The following LRRD1 variants were observed in gnomAD, a reference collection of about 807,000 sequenced individuals.
LRRD1 encodes the protein leucine rich repeats and death domain containing 1, also known as leucine-rich repeat and death domain-containing protein 1.
LRRD1 carries 49 observed loss-of-function variants against 69.5 expected under a neutral mutation model. The observed-to-expected ratio is 0.70, with a 90% CI of 0.56 to 0.89. LRRD1 has a LOEUF of 0.89. LRRD1 is among the 40% of genes least tolerant of loss of function. The pLI is 0.00. For missense variants in LRRD1, 853 were observed against 956.0 expected (o/e 0.89, Z 1.42); for synonymous variants, 303 against 338.9 (o/e 0.89, Z 1.16).
intron 3 of LRRD1, among the ~76,000 whole-genome samples, chr7:92,153,358 C>T (rs1788567811): frequency 6.6e-6 from 1 of 152,164 alleles, no homozygotes. Context: ...AGCCACCACG[C>T]CCGGCCTCTT....
downstream of LRRD1, among the ~76,000 whole-genome samples, chr7:92,143,290 C>A (rs896453242): frequency 2.0e-5 from 3 of 152,212 alleles, no homozygotes; most frequent in Admixed American, 6.5e-5. Context: ...ACTCAGGAGC[C>A]CAGCTGACTT....
downstream of LRRD1, chr7:92,142,118 A>T: frequency 5.7e-6 from 1 of 176,580 alleles, no homozygotes; most frequent in African/African-American, 2.4e-5. Flanking sequence ...ATTTTTTTGT[A>T]TTTTTAGTAG....
At chr7:92,167,055 A>G (rs758600190) in intron 1 of LRRD1, among the ~76,000 whole-genome samples, 12 of 152,088 alleles carry the variant, frequency 7.9e-5, no homozygotes, top group Non-Finnish European at 1.8e-4. Flanking sequence ...ACATTGAGTA[A>G]TATTGCTAAA....
intron 2 of LRRD1, among the ~76,000 whole-genome samples, chr7:92,160,496 A>G (rs1248343436): frequency 6.6e-6 from 1 of 152,230 alleles, no homozygotes; most frequent in Non-Finnish European, 1.5e-5. Context: ...GTAAAGCTTC[A>G]TGTAAAAAGT....
chr7:92,163,364 T>C lies in LRRD1; in HGVS notation c.1839A>G (p.Gln613=), dbSNP rs1471867734. Residue 613 remains glutamine (Q), a synonymous_variant, in exon 2 of 6, where the codon CAA becomes CAG. Coordinates refer to ENST00000458448, the MANE Select transcript of LRRD1 (RefSeq NM_001161528.2). The part of the protein sequence containing the change: ...GIQKLNFSSN[Q]FIHFPIELCQ... ...ACAGTTCAATAGGAAAATGTATAAA[T>C]TGATTGCTTGAGAAGTTTAATTTCT... 5 of 1,544,308 alleles carry C rather than the reference T, an allele frequency of 3.2e-6. No individual in the cohort carries two copies. The highest frequency in any genetic ancestry group is 1.4e-5 in the African/African-American group (1 of 72,392).
rs7780407 is a variant in LRRD1 at position 92,151,084 on chromosome 7, A to G, written c.2117-389T>C. Among the ~76,000 whole-genome samples, 423 of 152,336 alleles carry G rather than the reference A, an allele frequency of 2.8e-3. 1 individual carries two copies. Among genetic ancestry groups the G allele is most frequent in the African/African-American group, 9.8e-3 (407 of 41,578 alleles). On this transcript the variant is annotated intron_variant, in intron 3 of 5. Coordinates refer to ENST00000458448, the MANE Select transcript of LRRD1 (RefSeq NM_001161528.2). ...CTTTAGTTTCTCCTAATGTTATCAC[A>G]TTATCATATTACATTTGTTTAATCT... is the stretch of plus-strand genomic sequence containing the variant.
chr7:92,174,178 G>A (rs1789114783), intron 1 of LRRD1, among the ~76,000 whole-genome samples: 1 of 151,908 alleles, frequency 6.6e-6, no homozygotes, highest in Non-Finnish European at 1.5e-5. Flanking sequence ...AAGGGTAGGG[G>A]TAAAGGGATC....
At chr7:92,141,994 G>T, downstream of LRRD1, 1 of 154,180 alleles carries the variant, frequency 6.5e-6, no homozygotes, top group Admixed American at 6.3e-5. Flanking sequence ...CCAGGATGGA[G>T]TGCAGTGGTG....
At position 92,163,845 on chromosome 7, in the gene LRRD1, A is replaced by T; in HGVS notation, c.1358T>A (p.Ile453Asn). The T allele has an allele frequency of 6.7e-7, 1 of 1,503,554 alleles. No individual in the cohort carries two copies. The highest frequency in any genetic ancestry group is 8.8e-7 in the Non-Finnish European group (1 of 1,130,592). 93.1% of individuals were successfully genotyped at this position (1,503,554 alleles called of 1,614,324 possible). A position where few individuals can be genotyped will look rare whatever the true frequency, so the allele number is the denominator to read the frequency against. Residue 453 changes from isoleucine to asparagine, a missense_variant, in exon 2 of 6, where the codon ATC (isoleucine) becomes AAC (asparagine). Physicochemically the swap from Ile to Asn is moderately radical, Grantham distance 149 (BLOSUM62 -3). Around this residue, in one of 3 missense-constraint regions of LRRD1, gnomAD observed 739 missense variants for 808.0 expected, o/e 0.91. Coordinates refer to ENST00000458448, the MANE Select transcript of LRRD1 (RefSeq NM_001161528.2). ...TTTTATTTCAATGGGAACATCTGTGATTATGTTTCCTGAAAATTCTAGACT... is the reference window on the plus strand; with the variant it reads ...TTTTATTTCAATGGGAACATCTGTGTTTATGTTTCCTGAAAATTCTAGACT... Reference protein sequence around the residue: ...ICSLEFSGNIITDVPIEIKNC... With the variant: ...ICSLEFSGNINTDVPIEIKNC...
chr7:92,159,285 AG>A, intron 2 of LRRD1, 82 bp from the exon 3 acceptor site: 1 of 985,100 alleles, frequency 1.0e-6, no homozygotes, highest in South Asian at 2.2e-5. Context: ...ATCAAATGAA[AG>A]AGTTTTGTCT....
chr7:92,162,416 T>C (rs1157504808), intron 2 of LRRD1, among the ~76,000 whole-genome samples: 6 of 152,100 alleles, frequency 3.9e-5, no homozygotes, highest in Admixed American at 6.6e-5. Flanking sequence ...CTTTTAGGAG[T>C]AGACTTTGGG....
At chr7:92,173,297 T>G (rs1255410023) in intron 1 of LRRD1, among the ~76,000 whole-genome samples, 1 of 152,198 alleles carries the variant, frequency 6.6e-6, no homozygotes, top group Admixed American at 6.5e-5. Flanking sequence ...AAAGTTTTTT[T>G]GTGTAAGACC....
chr7:92,175,279 T>G (rs1584664598), intron 1 of LRRD1, among the ~76,000 whole-genome samples: 1 of 152,186 alleles, frequency 6.6e-6, no homozygotes, highest in African/African-American at 2.4e-5. Context: ...TAAGAAATTC[T>G]TCTACATTTA....
intron 3 of LRRD1, among the ~76,000 whole-genome samples, chr7:92,156,383 T>G (rs977464344): frequency 1.3e-5 from 2 of 152,252 alleles, no homozygotes; most frequent in African/African-American, 4.8e-5. Flanking sequence ...TGAGTTGAAT[T>G]TAAAGATAAG....
chr7:92,160,703 C>G (rs556955995), intron 2 of LRRD1, among the ~76,000 whole-genome samples: 2 of 152,262 alleles, frequency 1.3e-5, no homozygotes, highest in East Asian at 3.9e-4. Flanking sequence ...ATCCCAGCTA[C>G]TCAGGAGCCT....
intron 1 of LRRD1, among the ~76,000 whole-genome samples, chr7:92,173,631 A>C (rs533960161): frequency 5.9e-5 from 9 of 152,342 alleles, no homozygotes; most frequent in South Asian, 4.1e-4. Context: ...ACAATGAGAT[A>C]TCATTTTATG....
chr7:92,168,897 C>A (rs1788986975), intron 1 of LRRD1, among the ~76,000 whole-genome samples: 1 of 152,086 alleles, frequency 6.6e-6, no homozygotes, highest in Admixed American at 6.5e-5. Flanking sequence ...AACTCTCTGA[C>A]CAAGAATTTA....
chr7:92,148,316 C>A (rs767364935), intron 4 of LRRD1, among the ~76,000 whole-genome samples: 2 of 152,210 alleles, frequency 1.3e-5, no homozygotes, highest in Non-Finnish European at 2.9e-5. Context: ...AAGCAATCCT[C>A]CTGCCTTGGC....
intron 3 of LRRD1, among the ~76,000 whole-genome samples, chr7:92,156,833 AACTTT>A (rs1217627342): frequency 3.9e-5 from 6 of 152,042 alleles, no homozygotes; most frequent in Non-Finnish European, 8.8e-5. Context: ...GAGAAAGGAG[AACTTT>A]ACTTTAATCC....
Sources: allele counts gnomAD v4.1 joint callset (sites outside exome capture counted in the v4.1 genomes callset), GRCh38; gene constraint gnomAD v4.1.1; regional missense constraint gnomAD v4.1.1; transcripts MANE v1.5; gene names NCBI Gene and HGNC (gene_info 2026-07-23, HGNC 2026-07-21).